Variants in CCDC148 observed in about 807,000 individuals in gnomAD.
CCDC148 encodes the protein coiled-coil domain-containing protein 148.
Under a neutral mutation model 85.7 loss-of-function variants are expected in CCDC148, and 89 were observed. The observed-to-expected ratio is 1.04, with a 90% confidence interval of 0.87 to 1.24. The LOEUF (loss-of-function observed/expected upper bound fraction) is 1.24, where lower values mean the gene tolerates loss of function less well. Among genes scored for constraint, CCDC148 ranks in the 50% most tolerant of loss-of-function variants. CCDC148 has a pLI of 0.00. For synonymous variants in CCDC148, 230 were observed against 213.9 expected (o/e 1.08, Z -0.66); for missense variants, 692 against 671.7 (o/e 1.03, Z -0.33).
At chr2:158,301,212 C>T (rs1317230768) in intron 9 of CCDC148, among the ~76,000 whole-genome samples, 1 of 152,122 alleles carries the variant, frequency 6.6e-6, no homozygotes. Context: ...AAGGGTTTCT[C>T]AAGGGCAGAA....
At chr2:158,438,331 A>G (rs1443233248) in intron 1 of CCDC148, among the ~76,000 whole-genome samples, 1 of 152,210 alleles carries the variant, frequency 6.6e-6, no homozygotes, top group African/African-American at 2.4e-5. Context: ...CATATCTACA[A>G]CCATCTGATC....
At chr2:158,252,771 C>G (rs1295255899) in intron 9 of CCDC148, among the ~76,000 whole-genome samples, 2 of 151,768 alleles carry the variant, frequency 1.3e-5, no homozygotes, top group Non-Finnish European at 3.0e-5. Context: ...TGCTTATCCC[C>G]TTCTAGGAGT....
intron 8 of CCDC148, among the ~76,000 whole-genome samples, chr2:158,312,497 G>T (rs532305224): frequency 1.4e-5 from 2 of 142,338 alleles, no homozygotes; most frequent in Non-Finnish European, 3.0e-5. Context: ...CAGGAGAATC[G>T]CTTGAACCCA....
At chr2:158,173,940 C>A (rs1684444660) in intron 13 of CCDC148, among the ~76,000 whole-genome samples, 1 of 151,922 alleles carries the variant, frequency 6.6e-6, no homozygotes, top group Non-Finnish European at 1.5e-5. Context: ...CTCCCCTCTA[C>A]CGGAACTTCC....
intron 11 of CCDC148, among the ~76,000 whole-genome samples, chr2:158,215,585 T>C (rs759906256): frequency 2.0e-5 from 3 of 152,122 alleles, no homozygotes; most frequent in Non-Finnish European, 2.9e-5. Flanking sequence ...AGGGTACATA[T>C]GCACAATGTG....
intron 9 of CCDC148, among the ~76,000 whole-genome samples, chr2:158,309,214 C>T (rs1008157590): frequency 6.6e-6 from 1 of 152,148 alleles, no homozygotes; most frequent in African/African-American, 2.4e-5. Flanking sequence ...TATTAACATC[C>T]TGTTATAGTA....
At chr2:158,275,018 T>A (rs979903406) in intron 9 of CCDC148, among the ~76,000 whole-genome samples, 1 of 152,242 alleles carries the variant, frequency 6.6e-6, no homozygotes, top group African/African-American at 2.4e-5. Flanking sequence ...CAAGGCCAAC[T>A]CACTTTGCCT....
At chr2:158,283,210 C>T (rs371352695) in intron 9 of CCDC148, among the ~76,000 whole-genome samples, 52 of 152,282 alleles carry the variant, frequency 3.4e-4, no homozygotes, top group Admixed American at 5.9e-4. Flanking sequence ...ATTCAGGACA[C>T]AGGCATGGGC....
At chr2:158,422,698 A>C (rs945832233) in intron 1 of CCDC148, among the ~76,000 whole-genome samples, 1 of 151,818 alleles carries the variant, frequency 6.6e-6, no homozygotes, top group East Asian at 1.9e-4. Flanking sequence ...CTCTCTCACC[A>C]CTCCTCTTCA....
intron 7 of CCDC148, among the ~76,000 whole-genome samples, chr2:158,331,181 T>C (rs903998206): frequency 8.5e-5 from 13 of 152,216 alleles, no homozygotes; most frequent in Non-Finnish European, 1.9e-4. Flanking sequence ...CTGCTTTGAA[T>C]GTGTCCCAGA....
intron 8 of CCDC148, 115 bp downstream of exon 8, chr2:158,313,641 G>A (rs1014303226): frequency 1.9e-6 from 2 of 1,058,230 alleles, no homozygotes; most frequent in East Asian, 2.6e-5. Context: ...ATTTTCTAGA[G>A]GGTAGGAAAA....
chr2:158,357,304 AG>A (rs1683709676), intron 2 of CCDC148, among the ~76,000 whole-genome samples: 1 of 152,114 alleles, frequency 6.6e-6, no homozygotes, highest in African/African-American at 2.4e-5. Flanking sequence ...AAAAAAGGTA[AG>A]GGCTATATTT....
intron 11 of CCDC148, among the ~76,000 whole-genome samples, chr2:158,202,209 A>G (rs1391355086): frequency 6.6e-6 from 1 of 152,230 alleles, no homozygotes; most frequent in Non-Finnish European, 1.5e-5. Context: ...CCATACACAT[A>G]CGCACAATCA....
At chr2:158,435,832 C>T (rs975809047) in intron 1 of CCDC148, among the ~76,000 whole-genome samples, 1 of 152,130 alleles carries the variant, frequency 6.6e-6, no homozygotes, top group African/African-American at 2.4e-5. Flanking sequence ...CAATCCTAGT[C>T]TCTGATAAAA....
chr2:158,288,916 G>A (rs913008898), intron 9 of CCDC148: 3 of 275,462 alleles, frequency 1.1e-5, no homozygotes, highest in African/African-American at 4.6e-5. Context: ...GGAGGCAAAA[G>A]GCACTTCATA....
At chr2:158,378,152 T>C (rs77110595) in intron 1 of CCDC148, among the ~76,000 whole-genome samples, 8,309 of 152,080 alleles carry the variant, frequency 0.055, 433 homozygotes, top group African/African-American at 0.13. Context: ...TTGAAAGAAA[T>C]GAAAAGGGCT....
Position 158,185,952 on chromosome 2 carries a change from T to C in CCDC148, c.1371-6956A>G, listed in dbSNP as rs1265594293. Among the ~76,000 whole-genome samples, 3 of 152,208 alleles carry C rather than the reference T, an allele frequency of 2.0e-5. No individual in the cohort carries two copies. The East Asian group carries it at 5.8e-4, about 29-fold the overall frequency. ...GTTAGTGATAAAATACTTCCTCCAC[T>C]GGAACACTCAGCCACACCTGACCCC... On this transcript the variant is annotated intron_variant, in intron 11 of 13. Transcript: ENST00000283233.
chr2:158,292,045 TTA>T (rs1280298740), intron 9 of CCDC148, among the ~76,000 whole-genome samples: 1 of 152,156 alleles, frequency 6.6e-6, no homozygotes, highest in Non-Finnish European at 1.5e-5. Context: ...TTGATTCTCT[TTA>T]TTATAAATGC....
At chr2:158,311,826 A>G (rs1467505218) in intron 8 of CCDC148, among the ~76,000 whole-genome samples, 1 of 152,148 alleles carries the variant, frequency 6.6e-6, no homozygotes. Flanking sequence ...TTCCCATGCT[A>G]TGCTCATGAG....
Sources: gnomAD v4.1 joint callset for allele counts (sites outside exome capture counted in the v4.1 genomes callset) on GRCh38, gnomAD v4.1.1 for gene constraint, MANE v1.5 for transcripts, NCBI Gene and HGNC (gene_info 2026-07-23, HGNC 2026-07-21) for gene names.